The following CHID1 variants were observed in gnomAD, a reference collection of about 807,000 sequenced individuals.
CHID1 encodes the protein chitinase domain containing 1, also known as chitinase domain-containing protein 1.
Under a neutral mutation model 55.4 loss-of-function variants are expected in CHID1, and 44 were observed. The ratio of observed to expected loss-of-function variants is 0.79; its 90% CI spans 0.62 to 1.02. The LOEUF (loss-of-function observed/expected upper bound fraction) is 1.02. Among genes scored for constraint, CHID1 ranks in the 50% least tolerant of loss-of-function variants. The pLI is 0.00. For missense variants in CHID1, 491 were observed against 515.3 expected (o/e 0.95, Z 0.46); for synonymous variants, 216 against 212.9 (o/e 1.01, Z -0.13).
At chr11:901,021 C>T in intron 4 of CHID1, 41 bp from the exon 5 acceptor site, 1 of 1,560,440 alleles carries the variant, frequency 6.4e-7, no homozygotes, top group South Asian at 1.2e-5. Context: ...GGCACGTGCG[C>T]CCAACTGGAA....
At chr11:887,336 C>T (rs985552201) in intron 8 of CHID1, among the ~76,000 whole-genome samples, 1 of 152,188 alleles carries the variant, frequency 6.6e-6, no homozygotes, top group Non-Finnish European at 1.5e-5. Flanking sequence ...CCCGTCGTTG[C>T]TTTCCCACCA....
At chr11:898,086 T>C (rs527837269) in intron 7 of CHID1, among the ~76,000 whole-genome samples, 1 of 152,284 alleles carries the variant, frequency 6.6e-6, no homozygotes, top group South Asian at 2.1e-4. Flanking sequence ...GGGCAGGGCC[T>C]GTACCGGCTC....
At chr11:871,053 C>A (rs865776055) in intron 10 of CHID1, among the ~76,000 whole-genome samples, 4 of 147,804 alleles carry the variant, frequency 2.7e-5, no homozygotes, top group African/African-American at 1.0e-4. Flanking sequence ...TACAGTCGTG[C>A]GATCTTGGTT....
chr11:877,424 A>G (rs929064679), intron 10 of CHID1, among the ~76,000 whole-genome samples: 2 of 152,168 alleles, frequency 1.3e-5, no homozygotes, highest in Non-Finnish European at 2.9e-5. Flanking sequence ...TTTTTAAACT[A>G]TTTGTAATGA....
At chr11:882,422 A>C (rs917851052) in intron 10 of CHID1, 6 of 152,282 alleles carry the variant, frequency 3.9e-5, no homozygotes, top group African/African-American at 1.4e-4. Flanking sequence ...AGAAGACAGA[A>C]GAGAAGAAAC....
intron 10 of CHID1, among the ~76,000 whole-genome samples, chr11:876,579 T>C (rs550085968): frequency 6.6e-6 from 1 of 152,296 alleles, no homozygotes; most frequent in South Asian, 2.1e-4. Context: ...GGCATCACAC[T>C]CCCAGCAGCA....
chr11:870,102 C>A lies in CHID1; in HGVS notation c.1083+19G>T, dbSNP rs759497130. ...ATGGCCCACCCCTCCCCCGGTCCCA[C>A]GGCTGGCAGCACACGCACCTTCAGG... is the stretch of plus-strand genomic sequence containing the variant. On this transcript the variant is annotated intron_variant, in intron 12 of 12. Transcript: ENST00000323578. The A allele has an allele frequency of 3.7e-6, 6 of 1,612,794 alleles. No individual in the cohort carries two copies. The highest frequency in any genetic ancestry group is 1.1e-5 in the South Asian group (1 of 91,094).
chr11:914,404 G>T, upstream of CHID1: 1 of 658,588 alleles, frequency 1.5e-6, no homozygotes, highest in African/African-American at 1.9e-5. Context: ...CTGCCTGTCT[G>T]CCGTGGGCAT....
In CHID1 at chr11:902,272, G is replaced by A. The variant is rs1851876966; in HGVS notation, c.320C>T (p.Ser107Leu). The A allele has an allele frequency of 4.3e-6, 7 of 1,614,044 alleles. No homozygotes were observed. Among genetic ancestry groups the A allele is most frequent in the Non-Finnish European group, 5.9e-6 (7 of 1,179,992 alleles). The change falls in exon 4 of 13, where the codon TCA (serine) becomes TTA (leucine). Residue 107 changes from serine to leucine, a missense_variant. Ser to Leu is a moderately radical substitution (Grantham distance 145, BLOSUM62 -2). Coordinates refer to ENST00000323578, the MANE Select transcript of CHID1 (RefSeq NM_023947.4). ...TCTCTTCAGCTGCAGCCAGACGGGT[G>A]AGATCTGTGTGAACTTGCTCCCAAA... is the stretch of plus-strand genomic sequence containing the variant. ...KVFGSKFTQI[S>L]PVWLQLKRRG...
At chr11:907,963 C>T (rs963703939) in intron 1 of CHID1, among the ~76,000 whole-genome samples, 1 of 152,344 alleles carries the variant, frequency 6.6e-6, no homozygotes, top group Non-Finnish European at 1.5e-5. Context: ...TCTGCAGAGG[C>T]ACACGCTGCC....
chr11:868,153 C>G lies in CHID1; in HGVS notation c.*1705G>C, dbSNP rs1445244579. On this transcript the variant is annotated 3_prime_UTR_variant, in exon 13 of 13. Transcript: ENST00000323578. ...TCCAGGCCCACACCACCCTCCCAGACCTGCGTGTCCCCCACCCTCACTCCA... is the reference window on the plus strand; with the variant it reads ...TCCAGGCCCACACCACCCTCCCAGAGCTGCGTGTCCCCCACCCTCACTCCA... The G allele has an allele frequency of 2.6e-5, 4 of 151,696 alleles. No homozygotes were observed. The highest frequency in any genetic ancestry group is 5.9e-5 in the Non-Finnish European group (4 of 68,022). 9.4% of individuals were successfully genotyped at this position (151,696 alleles called of 1,614,324 possible). A position where few individuals can be genotyped will look rare whatever the true frequency, so the allele number is the denominator to read the frequency against.
At chr11:885,425 C>G (rs931764832) in intron 8 of CHID1, among the ~76,000 whole-genome samples, 2 of 152,218 alleles carry the variant, frequency 1.3e-5, no homozygotes, top group Admixed American at 6.5e-5. Flanking sequence ...CTGTCCACCC[C>G]AGGCTGTCCC....
intron 10 of CHID1, among the ~76,000 whole-genome samples, chr11:871,228 T>A (rs1849157005): frequency 6.6e-6 from 1 of 152,100 alleles, no homozygotes; most frequent in African/African-American, 2.4e-5. Context: ...CCTGACCTCG[T>A]GATCTGTCCG....
At position 878,798 on chromosome 11, in the gene CHID1, TC is replaced by T. The variant is rs544460210; in HGVS notation, c.959+4349del. 5.9e-5 allele frequency among the ~76,000 whole-genome samples: 9 copies of T among 151,730 alleles called. No individual in the cohort carries two copies. In the South Asian group the frequency reaches 1.9e-3, roughly 32 times the overall value. On this transcript the variant is annotated intron_variant, in intron 10 of 12. Transcript: ENST00000323578. ...CTCACTGCAACGTCTGCCTCCCGGG[TC>T]CAAGTGATTCTCCTGTCTCAGCCTC...
intron 10 of CHID1, among the ~76,000 whole-genome samples, chr11:882,021 A>G (rs1849982563): frequency 6.7e-6 from 1 of 150,092 alleles, no homozygotes; most frequent in South Asian, 2.1e-4. Context: ...AAAAAAAAAA[A>G]GAAAACAGAG....
rs554156232 is a variant in CHID1 at position 902,327 on chromosome 11, T to C, written c.265A>G (p.Asn89Asp). ...TTGGTGACATCGTAGCCATGGCTGTTCCACTGGCAAAAGATGGAGACATCA... is the reference window on the plus strand; with the variant it reads ...TTGGTGACATCGTAGCCATGGCTGTCCCACTGGCAAAAGATGGAGACATCA... ...GDVLGYVTPW[N>D]SHGYDVTKVF... The change falls in exon 4 of 13, where the codon AAC becomes GAC. Residue 89 changes from asparagine (N) to aspartate (D), a missense_variant. Physicochemically the swap from Asn to Asp is conservative, Grantham distance 23. Coordinates refer to ENST00000323578, the MANE Select transcript of CHID1 (RefSeq NM_023947.4). The C allele has an allele frequency of 4.3e-6, 7 of 1,610,234 alleles. No individual in the cohort carries two copies. The East Asian group carries it at 1.6e-4, about 36-fold the overall frequency.
At chr11:873,711 G>A (rs28709838) in intron 10 of CHID1, among the ~76,000 whole-genome samples, 149,497 of 152,264 alleles carry the variant, frequency 0.98, 73,405 homozygotes, top group East Asian at 1. Context: ...AAGCTAGGGC[G>A]GAGAAAGAGG....
At chr11:883,748 T>C (rs1017821438) in intron 9 of CHID1, among the ~76,000 whole-genome samples, 3 of 152,210 alleles carry the variant, frequency 2.0e-5, no homozygotes, top group African/African-American at 7.2e-5. Flanking sequence ...TGCGCCTGTG[T>C]CACACGGCCC....
In CHID1 at chr11:909,031, C is replaced by T. The variant is rs77002728; in HGVS notation, c.-44+1744G>A. ...CGCTCTGTGATGGAGTGCTTGGATA[C>T]AGGCTGCTCACAAATGCTGGGCTGC... On this transcript the variant is annotated intron_variant, in intron 1 of 12. Transcript: ENST00000323578. Among the ~76,000 whole-genome samples, 6 of 152,366 alleles carry T rather than the reference C, an allele frequency of 3.9e-5. No homozygotes were observed. In the East Asian group the frequency reaches 9.6e-4, roughly 24 times the overall value.
Sources: allele counts gnomAD v4.1 joint callset (sites outside exome capture counted in the v4.1 genomes callset), GRCh38; gene constraint gnomAD v4.1.1; transcripts MANE v1.5; gene names NCBI Gene and HGNC (gene_info 2026-07-23, HGNC 2026-07-21).